The following PDZD8 variants were observed in gnomAD, a reference collection of about 807,000 sequenced individuals.
PDZD8 encodes PDZ domain-containing protein 8.
A neutral mutation model predicts 85.8 loss-of-function variants in PDZD8; 14 were observed. That is an observed-to-expected ratio of 0.16 (90% CI 0.11 to 0.26). The LOEUF is 0.26. Ranked by LOEUF, PDZD8 falls within the 10% of genes least tolerant of loss-of-function variation. The pLI, the probability that PDZD8 is intolerant of heterozygous loss-of-function variation, is 1.00. For missense variants in PDZD8, 1,197 were observed against 1,424.3 expected, an observed-to-expected ratio of 0.84 and a Z score of 2.57; for synonymous variants, 592 against 568.6, an observed-to-expected ratio of 1.04 and a Z score of -0.59.
chr10:117,374,430 C>G lies in PDZD8; in HGVS notation c.798G>C (p.Gln266His). ...RSQFEGRPMPQLTSIIVNQLK... is the reference protein window; with the variant it reads ...RSQFEGRPMPHLTSIIVNQLK... ...GCTGGTTGACGATGATGGAGGTGAG[C>G]TGGGGCATGGGCCGCCCTTCAAACT... The change falls in exon 1 of 5, where the codon CAG becomes CAC. Residue 266 changes from glutamine (Q) to histidine (H), a missense_variant. Physicochemically the swap from Gln to His is conservative, Grantham distance 24. Around this residue, in one of 4 missense-constraint regions of PDZD8, gnomAD observed 344 missense variants for 453.6 expected, o/e 0.76. Coordinates refer to ENST00000334464, the MANE Select transcript of PDZD8 (RefSeq NM_173791.5). The surrounding 1 kb of genome is among the most constrained non-coding windows in gnomAD (Gnocchi z 7.8). The G allele has an allele frequency of 1.2e-6, 2 of 1,614,250 alleles. No individual in the cohort carries two copies. Among genetic ancestry groups the G allele is most frequent in the Non-Finnish European group, 1.7e-6 (2 of 1,180,042 alleles).
At chr10:117,314,479 T>C (rs1173371869) in intron 3 of PDZD8, among the ~76,000 whole-genome samples, 1 of 152,214 alleles carries the variant, frequency 6.6e-6, no homozygotes, top group Non-Finnish European at 1.5e-5. Context: ...AAGAATATAC[T>C]GTTCTGATTA....
chr10:117,290,270 G>A lies in PDZD8; in HGVS notation c.1177C>T (p.His393Tyr), dbSNP rs368331246. ...LVQSTDGYAG[H>Y]VIIETVAPNS... ...GGAGCCACAGTTTCAATGATGACGT[G>A]CCCAGCATACCCATCAGTTGACTGG... Residue 393 changes from histidine (H) to tyrosine (Y), a missense_variant, in exon 4 of 5, where the codon CAC becomes TAC. This residue lies in a region of PDZD8 where 344 missense variants were observed against 453.6 expected (regional missense o/e 0.76). Transcript: ENST00000334464. 2 of 1,613,862 alleles carry A rather than the reference G, an allele frequency of 1.2e-6. No individual in the cohort carries two copies. The highest frequency in any genetic ancestry group is 1.3e-5 in the African/African-American group (1 of 75,020).
At chr10:117,340,831 G>A (rs1844598884) in intron 2 of PDZD8, 149 bp downstream of exon 2, 1 of 907,512 alleles carries the variant, frequency 1.1e-6, no homozygotes, top group African/African-American at 1.7e-5. Context: ...AAGTTAGAAA[G>A]GACTACTTTT....
chr10:117,285,565 C>T (rs760516441), intron 4 of PDZD8, 94 bp from the exon 5 acceptor site: 17 of 1,186,276 alleles, frequency 1.4e-5, no homozygotes, highest in Non-Finnish European at 1.8e-5. Flanking sequence ...ATATAATTGC[C>T]ATTACCTCTG....
chr10:117,315,587 CAAAAA>C (rs35866840), intron 3 of PDZD8, among the ~76,000 whole-genome samples: 1 of 42,108 alleles, frequency 2.4e-5, no homozygotes, highest in Non-Finnish European at 5.1e-5. Flanking sequence ...TAGACTCTCT[CAAAAA>C]AAAAAAAAAA....
intron 3 of PDZD8, among the ~76,000 whole-genome samples, chr10:117,294,857 A>G (rs888467576): frequency 1.3e-5 from 2 of 152,140 alleles, no homozygotes; most frequent in African/African-American, 4.8e-5. Flanking sequence ...GAGGCTGGGG[A>G]GAATAGGGGG....
chr10:117,345,566 G>A (rs1243479016), intron 1 of PDZD8, among the ~76,000 whole-genome samples: 1 of 152,140 alleles, frequency 6.6e-6, no homozygotes, highest in Non-Finnish European at 1.5e-5. Flanking sequence ...CAAGCTCTGG[G>A]TAAGGGGAGA....
At chr10:117,357,466 A>G (rs1844915193) in intron 1 of PDZD8, among the ~76,000 whole-genome samples, 1 of 151,818 alleles carries the variant, frequency 6.6e-6, no homozygotes, top group Admixed American at 6.6e-5. Flanking sequence ...AAAGTCTGTG[A>G]TTAAAAAAGC....
intron 3 of PDZD8, among the ~76,000 whole-genome samples, chr10:117,290,862 T>A (rs1405893053): frequency 7.9e-6 from 1 of 126,184 alleles, no homozygotes; most frequent in East Asian, 2.9e-4. Context: ...GTATGGTGTA[T>A]CCTTTTTTTT....
chr10:117,279,506 G>T lies in PDZD8; in HGVS notation c.*3762C>A, dbSNP rs1844548629. 6.6e-6 allele frequency: 1 copy of T among 152,142 alleles called. No homozygotes were observed. Among genetic ancestry groups the T allele is most frequent in the South Asian group, 2.1e-4 (1 of 4,828 alleles). 9.4% of individuals were successfully genotyped at this position (152,142 alleles called of 1,614,324 possible). ...TACATAAGGTATCATTTTGACTGTGGATATTTAATTAAAAACTATTTTTCT... is the reference window on the plus strand; with the variant it reads ...TACATAAGGTATCATTTTGACTGTGTATATTTAATTAAAAACTATTTTTCT... On this transcript the variant is annotated 3_prime_UTR_variant, in exon 5 of 5. Coordinates refer to ENST00000334464, the MANE Select transcript of PDZD8 (RefSeq NM_173791.5).
intron 2 of PDZD8, among the ~76,000 whole-genome samples, chr10:117,337,270 CTATAAAT>C (rs1282220704): frequency 1.3e-5 from 2 of 152,018 alleles, no homozygotes; most frequent in Non-Finnish European, 2.9e-5. Context: ...AGAAGATAGA[CTATAAAT>C]TATAAATTTA....
rs1472180281 is a variant in PDZD8, at chr10:117,374,808, C to G, written c.420G>C (p.Leu140=). 1.2e-6 allele frequency: 2 copies of G among 1,613,250 alleles called. No homozygotes were observed. Among genetic ancestry groups the G allele is most frequent in the African/African-American group, 2.7e-5 (2 of 74,912 alleles). ...LLQTKTAGRL[L]EGLSLRDVFL... ...ACACGTCCCGCAGGCTCAGCCCCTCCAGCAGGCGCCCGGCCGTCTTGGTCT... is the reference window on the plus strand; with the variant it reads ...ACACGTCCCGCAGGCTCAGCCCCTCGAGCAGGCGCCCGGCCGTCTTGGTCT... Residue 140 remains leucine (L), a synonymous_variant, in exon 1 of 5, where the codon CTG becomes CTC. Transcript: ENST00000334464. The surrounding 1 kb of genome is among the most constrained non-coding windows in gnomAD (Gnocchi z 7.8).
chr10:117,337,885 C>T (rs182911518), intron 2 of PDZD8, among the ~76,000 whole-genome samples: 2 of 152,212 alleles, frequency 1.3e-5, no homozygotes, highest in East Asian at 3.9e-4. Flanking sequence ...TATGTTATTC[C>T]ACTATATATG....
intron 1 of PDZD8, among the ~76,000 whole-genome samples, chr10:117,346,871 T>C (rs1030973927): frequency 1.3e-4 from 19 of 151,986 alleles, no homozygotes; most frequent in African/African-American, 1.2e-4. Flanking sequence ...TTTGGGGCTA[T>C]GTAAGTAGCA....
chr10:117,308,136 T>C (rs1843975139), intron 3 of PDZD8, among the ~76,000 whole-genome samples: 1 of 152,130 alleles, frequency 6.6e-6, no homozygotes, highest in Non-Finnish European at 1.5e-5. Flanking sequence ...TGATGAAATA[T>C]AAATGCTTGT....
At chr10:117,301,683 G>A (rs1423452665) in intron 3 of PDZD8, among the ~76,000 whole-genome samples, 1 of 152,190 alleles carries the variant, frequency 6.6e-6, no homozygotes, top group African/African-American at 2.4e-5. Flanking sequence ...ATCCCAATTA[G>A]AGGCAGCAAG....
At chr10:117,304,844 A>G (rs543957144) in intron 3 of PDZD8, among the ~76,000 whole-genome samples, 6 of 152,270 alleles carry the variant, frequency 3.9e-5, no homozygotes, top group African/African-American at 1.4e-4. Context: ...TGCAAGTCCA[A>G]ATAAGCCTCT....
intron 1 of PDZD8, among the ~76,000 whole-genome samples, chr10:117,371,207 C>T (rs528730114): frequency 1.3e-5 from 2 of 152,122 alleles, no homozygotes; most frequent in Admixed American, 6.5e-5. Context: ...ATTTTGGAGA[C>T]GGAGTCTCAC....
At chr10:117,303,534 T>C (rs1291089048) in intron 3 of PDZD8, among the ~76,000 whole-genome samples, 3 of 152,206 alleles carry the variant, frequency 2.0e-5, no homozygotes, top group Non-Finnish European at 4.4e-5. Flanking sequence ...TGCAGAAATT[T>C]GCATAAGTAG....
Sources: gnomAD v4.1 joint callset for allele counts (sites outside exome capture counted in the v4.1 genomes callset) on GRCh38, gnomAD v4.1.1 for gene constraint, gnomAD v4.1.1 regional missense constraint, Gnocchi (gnomAD v3.1) non-coding constraint, MANE v1.5 for transcripts, NCBI Gene and HGNC (gene_info 2026-07-23, HGNC 2026-07-21) for gene names.